Variants in ROBO1 observed in about 807,000 individuals in gnomAD.
ROBO1 encodes roundabout guidance receptor 1.
ROBO1 carries 149 observed loss-of-function variants against 195.9 expected under a neutral mutation model. That is an observed-to-expected ratio of 0.76 (90% CI 0.67 to 0.87). ROBO1 has a LOEUF of 0.87. Ranked by LOEUF, ROBO1 falls within the 40% of genes least tolerant of loss-of-function variation. The pLI, the probability that ROBO1 is intolerant of heterozygous loss-of-function variation, is 0.00. For synonymous variants in ROBO1, 816 were observed against 733.2 expected, an observed-to-expected ratio of 1.11 and a Z score of -1.82; for missense variants, 1,933 against 2,068.3, an observed-to-expected ratio of 0.93 and a Z score of 1.27.
intron 2 of ROBO1, among the ~76,000 whole-genome samples, chr3:79,498,904 T>C (rs1939898775): frequency 6.6e-6 from 1 of 152,040 alleles, no homozygotes; most frequent in Admixed American, 6.6e-5. Context: ...ATATGAAAAA[T>C]TATAAAATGA....
chr3:79,594,397 A>G (rs1302799859), intron 1 of ROBO1, among the ~76,000 whole-genome samples: 1 of 152,048 alleles, frequency 6.6e-6, no homozygotes, highest in Non-Finnish European at 1.5e-5. Flanking sequence ...GAGTGTATAT[A>G]CATATGGCTT....
At chr3:79,611,928 TA>T (rs1356952515) in intron 1 of ROBO1, among the ~76,000 whole-genome samples, 5 of 151,326 alleles carry the variant, frequency 3.3e-5, no homozygotes, top group African/African-American at 4.8e-5. Context: ...AGAAAATAAA[TA>T]AAAAAAGAAA....
intron 3 of ROBO1, chr3:79,018,826 G>C (rs1288025992): frequency 6.2e-5 from 63 of 1,015,624 alleles, no homozygotes; most frequent in Non-Finnish European, 7.1e-5. Context: ...CACAATGTGC[G>C]GCCGAGCGCC....
At chr3:79,502,607 G>A (rs1940150385) in intron 2 of ROBO1, among the ~76,000 whole-genome samples, 1 of 152,184 alleles carries the variant, frequency 6.6e-6, no homozygotes, top group South Asian at 2.1e-4. Context: ...AGGAGTGCAG[G>A]CGCACAGCGC....
intron 2 of ROBO1, among the ~76,000 whole-genome samples, chr3:79,306,058 A>G (rs900524661): frequency 6.6e-6 from 1 of 152,196 alleles, no homozygotes; most frequent in Non-Finnish European, 1.5e-5. Flanking sequence ...AATCCGAGAT[A>G]GTTTTTCTCA....
chr3:78,744,301 C>T (rs960107903), intron 5 of ROBO1, among the ~76,000 whole-genome samples: 1 of 152,172 alleles, frequency 6.6e-6, no homozygotes, highest in African/African-American at 2.4e-5. Context: ...CCACTCCTCA[C>T]TACCTTCCCA....
intron 25 of ROBO1, among the ~76,000 whole-genome samples, chr3:78,628,511 C>A (rs1507410): frequency 0.36 from 54,109 of 151,890 alleles, 10,348 homozygotes; most frequent in Middle Eastern, 0.46. Context: ...ATGCCTTTCT[C>A]TTTTCTCTTA....
intron 3 of ROBO1, among the ~76,000 whole-genome samples, chr3:79,122,924 G>T (rs1444507076): frequency 1.3e-5 from 2 of 151,832 alleles, no homozygotes; most frequent in Admixed American, 6.6e-5. Flanking sequence ...TCAATGAAAT[G>T]AAGCAACATG....
intron 4 of ROBO1, among the ~76,000 whole-genome samples, chr3:78,818,809 T>C (rs2030485160): frequency 6.6e-6 from 1 of 152,214 alleles, no homozygotes; most frequent in African/African-American, 2.4e-5. Flanking sequence ...AGTCCCCCTC[T>C]ATCACAGTTT....
rs200053663 is a variant in ROBO1 at position 78,964,580 on chromosome 3, G to C, written c.173-25653C>G. ...AGTTTCAGAAGTACAGTGACATGAT[G>C]AAAATGCTGTTTAGGAGCACTCAAT... On this transcript the variant is annotated intron_variant, in intron 3 of 30. Coordinates refer to ENST00000464233, the MANE Select transcript of ROBO1 (RefSeq NM_002941.4). Among the ~76,000 whole-genome samples, 5 of 152,268 alleles carry C rather than the reference G, an allele frequency of 3.3e-5. No homozygotes were observed. The East Asian group carries it at 9.7e-4, about 29-fold the overall frequency.
intron 2 of ROBO1, among the ~76,000 whole-genome samples, chr3:79,262,740 T>C (rs1263106307): frequency 6.6e-6 from 1 of 152,136 alleles, no homozygotes; most frequent in African/African-American, 2.4e-5. Flanking sequence ...TTATATCATA[T>C]GTATTTTATA....
At chr3:79,640,278 C>T (rs749400499) in intron 1 of ROBO1, among the ~76,000 whole-genome samples, 1 of 151,818 alleles carries the variant, frequency 6.6e-6, no homozygotes, top group Non-Finnish European at 1.5e-5. Flanking sequence ...ATAATTATGA[C>T]ATTAGCTTAA....
chr3:79,426,624 T>C (rs1247200678), intron 2 of ROBO1, among the ~76,000 whole-genome samples: 1 of 152,130 alleles, frequency 6.6e-6, no homozygotes, highest in African/African-American at 2.4e-5. Flanking sequence ...CGCCTCAGCC[T>C]TTCAAACTTC....
At chr3:79,724,174 T>G (rs1702815163) in intron 1 of ROBO1, among the ~76,000 whole-genome samples, 1 of 152,246 alleles carries the variant, frequency 6.6e-6, no homozygotes, top group Non-Finnish European at 1.5e-5. Flanking sequence ...GTGTTTTGTT[T>G]GCTCTTTTAT....
intron 3 of ROBO1, among the ~76,000 whole-genome samples, chr3:79,120,885 C>T (rs1180020150): frequency 6.6e-6 from 1 of 151,926 alleles, no homozygotes; most frequent in South Asian, 2.1e-4. Context: ...AATAAAGTGA[C>T]AGTAAGATAA....
chr3:79,719,355 T>C (rs1702609853), intron 1 of ROBO1, among the ~76,000 whole-genome samples: 1 of 152,096 alleles, frequency 6.6e-6, no homozygotes, highest in Admixed American at 6.6e-5. Context: ...ACCAATATAA[T>C]AGACTAAAAT....
chr3:78,639,176 G>T (rs1705758725), intron 22 of ROBO1, among the ~76,000 whole-genome samples: 1 of 151,974 alleles, frequency 6.6e-6, no homozygotes, highest in Non-Finnish European at 1.5e-5. Flanking sequence ...TACTTTTATG[G>T]CTGGGCACAG....
At chr3:79,474,527 A>G (rs547229322) in intron 2 of ROBO1, among the ~76,000 whole-genome samples, 2 of 152,272 alleles carry the variant, frequency 1.3e-5, no homozygotes, top group African/African-American at 4.8e-5. Flanking sequence ...TCAAAAGAGT[A>G]CATGGTAAGT....
intron 3 of ROBO1, among the ~76,000 whole-genome samples, chr3:79,092,924 T>G (rs1425964572): frequency 6.6e-6 from 1 of 152,176 alleles, no homozygotes; most frequent in South Asian, 2.1e-4. Flanking sequence ...TAAAACAAAA[T>G]TTAACAATTA....
Sources: gnomAD v4.1 joint callset for allele counts (sites outside exome capture counted in the v4.1 genomes callset) on GRCh38, gnomAD v4.1.1 for gene constraint, MANE v1.5 for transcripts, NCBI Gene and HGNC (gene_info 2026-07-23, HGNC 2026-07-21) for gene names.